The following DCLK2 variants were observed in gnomAD, a reference collection of about 807,000 sequenced individuals.
DCLK2 encodes the protein serine/threonine-protein kinase DCLK2.
In DCLK2, 31 loss-of-function variants were observed where a neutral mutation model predicts 78.4. That is an observed-to-expected ratio of 0.40 (90% CI 0.30 to 0.53). DCLK2 has a LOEUF of 0.53. DCLK2 is among the 20% of genes least tolerant of loss of function. The probability of loss-of-function intolerance (pLI) is 0.61; values close to 1 mark genes in which losing one functional copy is unlikely to be tolerated. For synonymous variants in DCLK2, 407 were observed against 374.9 expected (o/e 1.09, Z -0.99); for missense variants, 872 against 973.7 (o/e 0.90, Z 1.39).
At chr4:150,223,826 A>T (rs1741385787) in intron 7 of DCLK2, among the ~76,000 whole-genome samples, 2 of 152,310 alleles carry the variant, frequency 1.3e-5, no homozygotes, top group Admixed American at 6.5e-5. Flanking sequence ...GCCAGGAAAG[A>T]ACATTTAAAG....
At chr4:150,142,557 C>T (rs1472649961) in intron 2 of DCLK2, among the ~76,000 whole-genome samples, 1 of 152,056 alleles carries the variant, frequency 6.6e-6, no homozygotes, top group African/African-American at 2.4e-5. Flanking sequence ...TGTCAGTTTC[C>T]TGTGATATTT....
intron 1 of DCLK2, among the ~76,000 whole-genome samples, chr4:150,100,143 C>T (rs567448242): frequency 6.6e-6 from 1 of 152,240 alleles, no homozygotes; most frequent in South Asian, 2.1e-4. Context: ...GAACTCCTGG[C>T]CTCAAGCATT....
At chr4:150,193,376 T>C in intron 3 of DCLK2, 136 bp downstream of exon 3, 1 of 491,576 alleles carries the variant, frequency 2.0e-6, no homozygotes, top group South Asian at 5.0e-5. Flanking sequence ...AGTACAATTT[T>C]TGAACCAATG....
At chr4:150,207,224 T>C (rs1330005861) in intron 5 of DCLK2, among the ~76,000 whole-genome samples, 1 of 152,208 alleles carries the variant, frequency 6.6e-6, no homozygotes, top group African/African-American at 2.4e-5. Flanking sequence ...CACGACAGCA[T>C]GTGCAGGAGC....
chr4:150,079,780 C>G (rs142365428), intron 1 of DCLK2, among the ~76,000 whole-genome samples: 1 of 152,326 alleles, frequency 6.6e-6, no homozygotes, highest in Non-Finnish European at 1.5e-5. Flanking sequence ...CCATGGGGAG[C>G]TGGGTAATCC....
chr4:150,251,431 G>A (rs1039893425), intron 15 of DCLK2, among the ~76,000 whole-genome samples: 1 of 106 alleles, frequency 9.4e-3, no homozygotes, highest in Admixed American at 0.1. Context: ...CACATCCCCC[G>A]CACCACACAT....
At chr4:150,132,514 A>T (rs1733389355) in intron 2 of DCLK2, among the ~76,000 whole-genome samples, 1 of 152,220 alleles carries the variant, frequency 6.6e-6, no homozygotes, top group African/African-American at 2.4e-5. Flanking sequence ...CTGTGTGTAA[A>T]CACTGAATTA....
At chr4:150,185,239 A>G (rs1737837036) in intron 2 of DCLK2, among the ~76,000 whole-genome samples, 1 of 152,146 alleles carries the variant, frequency 6.6e-6, no homozygotes, top group African/African-American at 2.4e-5. Context: ...AGCCCCTTAT[A>G]AAACCATCAG....
rs1042695891 is a variant in DCLK2 at position 150,252,191 on chromosome 4, C to T, written c.2073+2507C>T. ...GAGAATGTTTCCAGCGATTCCCTTGCGAGAGCTAGCATTGATGGATGGGCT... is the reference window on the plus strand; with the variant it reads ...GAGAATGTTTCCAGCGATTCCCTTGTGAGAGCTAGCATTGATGGATGGGCT... On this transcript the variant is annotated intron_variant, in intron 15 of 15. Transcript: ENST00000296550. Among the ~76,000 whole-genome samples the T allele has an allele frequency of 3.3e-5, 5 of 152,198 alleles. No individual in the cohort carries two copies. The East Asian group carries it at 5.8e-4, about 18-fold the overall frequency.
At chr4:150,218,441 G>A (rs1740913638) in intron 5 of DCLK2, among the ~76,000 whole-genome samples, 1 of 152,196 alleles carries the variant, frequency 6.6e-6, no homozygotes, top group South Asian at 2.1e-4. Context: ...GATGTGATGA[G>A]TGTCCTTCAC....
At position 150,102,509 on chromosome 4, in the gene DCLK2, A is replaced by T. The variant is rs1254580204; in HGVS notation, c.453A>T (p.Pro151=). 1 of 1,613,948 alleles carries T rather than the reference A, an allele frequency of 6.2e-7. No homozygotes were observed. Residue 151 remains proline, a synonymous_variant, in exon 2 of 16, where the codon CCA becomes CCT. Transcript: ENST00000296550. The part of the protein sequence containing the change: ...GESYVCASNE[P]FRKVDYTKNI... Reference sequence around the variant, plus strand: ...GTTACGTGTGTGCATCCAATGAACCATTTCGTAAAGTCGATTACACCAAAA... The same window carrying T: ...GTTACGTGTGTGCATCCAATGAACCTTTTCGTAAAGTCGATTACACCAAAA...
At chr4:150,168,346 CAA>C (rs1285332689) in intron 2 of DCLK2, among the ~76,000 whole-genome samples, 3 of 113,812 alleles carry the variant, frequency 2.6e-5, no homozygotes, top group Non-Finnish European at 5.6e-5. Flanking sequence ...GACTCCATCT[CAA>C]AAAAAAAAAA....
intron 5 of DCLK2, among the ~76,000 whole-genome samples, chr4:150,215,736 C>CA (rs1215529048): frequency 6.6e-6 from 1 of 152,022 alleles, no homozygotes; most frequent in Non-Finnish European, 1.5e-5. Flanking sequence ...TATGACTGGA[C>CA]AAAAAGGGGT....
At chr4:150,160,223 G>A (rs1031739959) in intron 2 of DCLK2, among the ~76,000 whole-genome samples, 2 of 152,018 alleles carry the variant, frequency 1.3e-5, no homozygotes, top group Non-Finnish European at 1.5e-5. Context: ...TCACCACGTT[G>A]CCCAGGCTGG....
At chr4:150,166,527 TACTTGTCCCCAG>T (rs1207617284) in intron 2 of DCLK2, among the ~76,000 whole-genome samples, 2 of 152,166 alleles carry the variant, frequency 1.3e-5, no homozygotes, top group East Asian at 3.9e-4. Flanking sequence ...ACCGATATTC[TACTTGTCCCCAG>T]CATTCTTCAT....
intron 5 of DCLK2, among the ~76,000 whole-genome samples, chr4:150,211,581 C>T (rs1202422922): frequency 2.0e-5 from 3 of 152,178 alleles, no homozygotes; most frequent in Non-Finnish European, 2.9e-5. Flanking sequence ...CTGGCTTCCT[C>T]ATCCTGTCCT....
chr4:150,085,420 C>T (rs1211836188), intron 1 of DCLK2, among the ~76,000 whole-genome samples: 9 of 152,100 alleles, frequency 5.9e-5, no homozygotes, highest in African/African-American at 1.9e-4. Flanking sequence ...TGAAAGCAAA[C>T]GTAGGATATA....
intron 2 of DCLK2, among the ~76,000 whole-genome samples, chr4:150,141,021 C>G (rs1734070054): frequency 1.3e-5 from 2 of 152,148 alleles, no homozygotes; most frequent in African/African-American, 4.8e-5. Context: ...ATCTAATCCG[C>G]TGTTTTATTT....
chr4:150,182,461 A>AT (rs1737602581), intron 2 of DCLK2, among the ~76,000 whole-genome samples: 1 of 152,172 alleles, frequency 6.6e-6, no homozygotes, highest in Non-Finnish European at 1.5e-5. Flanking sequence ...TAATTTGTTG[A>AT]TTTTATAGCC....
Sources: gnomAD v4.1 joint callset for allele counts (sites outside exome capture counted in the v4.1 genomes callset) on GRCh38, gnomAD v4.1.1 for gene constraint, MANE v1.5 for transcripts, NCBI Gene and HGNC (gene_info 2026-07-23, HGNC 2026-07-21) for gene names.